The following SLC29A3 variants were observed in gnomAD, a reference collection of about 807,000 sequenced individuals.
The protein encoded by SLC29A3 is equilibrative nucleoside transporter 3.
In SLC29A3, 18 loss-of-function variants were observed where a neutral mutation model predicts 25.4. The observed-to-expected ratio is 0.71, with a 90% CI of 0.49 to 1.05. The LOEUF is 1.05. Among genes scored for constraint, SLC29A3 ranks in the 50% least tolerant of loss-of-function variants. The pLI is 0.00. For missense variants in SLC29A3, 586 were observed against 609.0 expected, an observed-to-expected ratio of 0.96 and a Z score of 0.40; for synonymous variants, 258 against 267.1, an observed-to-expected ratio of 0.97 and a Z score of 0.33.
At position 71,362,536 on chromosome 10, in the gene SLC29A3, G is replaced by A. The variant is rs1342737160; in HGVS notation, c.1356G>A (p.Val452=). ...AGCTGGCTGAGGCCACGGGAGTGGT[G>A]ATGTCCTTTTATGTGTGCTTGGGCT... ...PRELAEATGV[V]MSFYVCLGLT... The change falls in exon 6 of 6, where the codon GTG becomes GTA. Residue 452 remains valine (V), a synonymous_variant. Transcript: ENST00000373189. 6.8e-6 allele frequency: 11 copies of A among 1,614,172 alleles called. No homozygotes were observed. Among genetic ancestry groups the A allele is most frequent in the Non-Finnish European group, 8.5e-6 (10 of 1,180,042 alleles).
chr10:71,344,179 C>A, intron 2 of SLC29A3, 30 bp from the exon 3 acceptor site: 1 of 1,576,162 alleles, frequency 6.3e-7, no homozygotes, highest in Non-Finnish European at 8.7e-7. Context: ...CCTGAGTGAC[C>A]GCAGCACCTC....
At chr10:71,343,358 C>A (rs1212812381) in intron 2 of SLC29A3, among the ~76,000 whole-genome samples, 1 of 152,224 alleles carries the variant, frequency 6.6e-6, no homozygotes, top group Non-Finnish European at 1.5e-5. Flanking sequence ...TTTTCACAGA[C>A]ACATACAGCT....
rs778838859 is a variant in SLC29A3 at position 71,356,248 on chromosome 10, A to G, written c.773+5A>G. On this transcript the variant is annotated splice_donor_5th_base_variant and intron_variant, in intron 5 of 5. Coordinates refer to ENST00000373189, the MANE Select transcript of SLC29A3 (RefSeq NM_018344.6). Reference sequence around the variant, plus strand: ...GTCCAGGCTGGAGTATGCCAGGTGAAGGTGCCACTCACTGTCCATGCCTCC... The same window carrying G: ...GTCCAGGCTGGAGTATGCCAGGTGAGGGTGCCACTCACTGTCCATGCCTCC... 1.2e-6 allele frequency: 2 copies of G among 1,612,842 alleles called. No individual in the cohort carries two copies. The highest frequency in any genetic ancestry group is 2.7e-5 in the African/African-American group (2 of 74,924).
chr10:71,356,045 C>T (rs768598810), intron 4 of SLC29A3, 36 bp from the exon 5 acceptor site: 11 of 1,611,602 alleles, frequency 6.8e-6, no homozygotes, highest in Non-Finnish European at 9.3e-6. Context: ...CCTCGCCCAC[C>T]CCTCACCATC....
intron 3 of SLC29A3, 146 bp downstream of exon 3, chr10:71,344,437 G>A (rs1199319795): frequency 2.8e-6 from 2 of 709,236 alleles, no homozygotes; most frequent in Non-Finnish European, 5.1e-6. Context: ...TGCATGAAGA[G>A]TGAGAAGTCA....
chr10:71,349,448 C>T (rs913183962), intron 3 of SLC29A3, among the ~76,000 whole-genome samples: 23 of 152,116 alleles, frequency 1.5e-4, no homozygotes, highest in African/African-American at 5.6e-4. Flanking sequence ...ATGTAGCAGT[C>T]CCAGGGAAGA....
At chr10:71,321,183 C>A (rs1030822242) in intron 1 of SLC29A3, among the ~76,000 whole-genome samples, 2 of 152,152 alleles carry the variant, frequency 1.3e-5, no homozygotes, top group Non-Finnish European at 2.9e-5. Context: ...ATAGCAAGTG[C>A]CTTCCAGACC....
intron 3 of SLC29A3, among the ~76,000 whole-genome samples, chr10:71,345,412 T>G (rs1846543059): frequency 6.6e-6 from 1 of 152,184 alleles, no homozygotes; most frequent in Non-Finnish European, 1.5e-5. Flanking sequence ...GGTAATAGGA[T>G]GGCTTACCCA....
chr10:71,364,904 G>GT (rs879830244), downstream of SLC29A3: 3 of 152,234 alleles, frequency 2.0e-5, no homozygotes, highest in Admixed American at 1.3e-4. Context: ...GGTCTAGCTG[G>GT]TGACTCATCT....
At position 71,356,084 on chromosome 10, in the gene SLC29A3, G is replaced by A. The variant is rs754261754; in HGVS notation, c.614G>A (p.Gly205Glu). 5.6e-6 allele frequency: 9 copies of A among 1,613,924 alleles called. No homozygotes were observed. In the South Asian group the frequency reaches 9.9e-5, roughly 18 times the overall value. Residue 205 changes from glycine (G) to glutamate (E), a missense_variant, in exon 5 of 6, where the codon GGA (glycine) becomes GAA (glutamate). Coordinates refer to ENST00000373189, the MANE Select transcript of SLC29A3 (RefSeq NM_018344.6). ...GCGTGTCCTCTGTTCTCTGCAGGAG[G>A]AGCCATGGGCGGGACGGTCAGCGCC... ...MRNSQALISG[G>E]AMGGTVSAVA...
chr10:71,364,442 T>C (rs1347112563), downstream of SLC29A3: 1 of 152,200 alleles, frequency 6.6e-6, no homozygotes, highest in Non-Finnish European at 1.5e-5. Context: ...TATATTTTTT[T>C]CAGGTGTCTA....
At chr10:71,333,079 T>C (rs1306054787) in intron 2 of SLC29A3, among the ~76,000 whole-genome samples, 1 of 152,260 alleles carries the variant, frequency 6.6e-6, no homozygotes, top group East Asian at 1.9e-4. Flanking sequence ...GGACCTTAAG[T>C]GCTCCAGTGT....
chr10:71,373,339 C>T (rs1285821887), intron 3 of SLC29A3, among the ~76,000 whole-genome samples: 1 of 152,176 alleles, frequency 6.6e-6, no homozygotes, highest in Non-Finnish European at 1.5e-5. Context: ...TAGGACAGGT[C>T]AAATGTCAAA....
intron 2 of SLC29A3, among the ~76,000 whole-genome samples, chr10:71,326,346 A>C (rs1026844809): frequency 2.0e-5 from 3 of 152,238 alleles, no homozygotes; most frequent in African/African-American, 7.2e-5. Flanking sequence ...CCCTATCTGA[A>C]GTGCTTTATA....
At chr10:71,365,429 TAGAG>T (rs72222838), downstream of SLC29A3, 4,123 of 151,756 alleles carry the variant, frequency 0.027, 86 homozygotes, top group Middle Eastern at 0.12. Context: ...GCATCTCCAT[TAGAG>T]AGATGATTTG....
At chr10:71,320,827 C>T (rs999029852) in intron 1 of SLC29A3, among the ~76,000 whole-genome samples, 6 of 152,158 alleles carry the variant, frequency 3.9e-5, no homozygotes, top group Admixed American at 2.0e-4. Context: ...GGGCCCCTCC[C>T]GACTCACTGG....
intron 2 of SLC29A3, among the ~76,000 whole-genome samples, chr10:71,326,150 G>A (rs1845960427): frequency 6.6e-6 from 1 of 151,852 alleles, no homozygotes; most frequent in Non-Finnish European, 1.5e-5. Flanking sequence ...AAACTCCTGG[G>A]CTCAAGAGAT....
intron 2 of SLC29A3, among the ~76,000 whole-genome samples, chr10:71,335,727 T>C (rs1846232038): frequency 6.6e-6 from 1 of 152,112 alleles, no homozygotes; most frequent in South Asian, 2.1e-4. Flanking sequence ...GAGTCTTCTC[T>C]TGAAGGCCTT....
At chr10:71,333,195 G>T (rs1424912222) in intron 2 of SLC29A3, among the ~76,000 whole-genome samples, 3 of 152,230 alleles carry the variant, frequency 2.0e-5, no homozygotes, top group Admixed American at 6.5e-5. Context: ...CCTGGGAAGG[G>T]TCTGCAGCAC....
Sources: gnomAD v4.1 joint callset for allele counts (sites outside exome capture counted in the v4.1 genomes callset) on GRCh38, gnomAD v4.1.1 for gene constraint, MANE v1.5 for transcripts, NCBI Gene and HGNC (gene_info 2026-07-23, HGNC 2026-07-21) for gene names.